Variants in EIF4E3 observed in about 807,000 individuals in gnomAD.
The protein encoded by EIF4E3 is eukaryotic translation initiation factor 4E family member 3.
EIF4E3 carries 26 observed loss-of-function variants against 31.7 expected under a neutral mutation model. That is an observed-to-expected ratio of 0.82 (90% CI 0.60 to 1.14). The LOEUF is 1.14. Ranked by LOEUF, EIF4E3 falls within the 50% of genes most tolerant of loss-of-function variation. The probability of loss-of-function intolerance (pLI) is 0.00; values close to 1 mark genes in which losing one functional copy is unlikely to be tolerated. For missense variants in EIF4E3, 304 were observed against 270.9 expected (o/e 1.12, Z -0.86); for synonymous variants, 128 against 107.7 (o/e 1.19, Z -1.17).
chr3:71,711,622 G>C (rs934856790), intron 1 of EIF4E3, among the ~76,000 whole-genome samples: 1 of 152,182 alleles, frequency 6.6e-6, no homozygotes, highest in Non-Finnish European at 1.5e-5. Flanking sequence ...GCACAGCAAG[G>C]ACTACAGTCC....
intron 1 of EIF4E3, among the ~76,000 whole-genome samples, chr3:71,714,285 G>A (rs866459380): frequency 7.8e-6 from 1 of 127,562 alleles, no homozygotes; most frequent in Non-Finnish European, 1.6e-5. Flanking sequence ...AAGGAAGGAA[G>A]GAAGGAAGGA....
At chr3:71,721,608 G>C (rs2049550727) in intron 1 of EIF4E3, among the ~76,000 whole-genome samples, 2 of 152,118 alleles carry the variant, frequency 1.3e-5, no homozygotes, top group African/African-American at 4.8e-5. Flanking sequence ...AGTCTCATGA[G>C]ATCTGATGAT....
intron 1 of EIF4E3, among the ~76,000 whole-genome samples, chr3:71,748,563 T>C (rs1452938250): frequency 6.6e-6 from 1 of 152,154 alleles, no homozygotes; most frequent in Non-Finnish European, 1.5e-5. Flanking sequence ...TACCTGTGGA[T>C]GCATCTAATA....
At chr3:71,666,863 C>T in the EIF4E3 span, among the ~76,000 whole-genome samples, 8 of 152,118 alleles carry the variant, frequency 5.3e-5, no homozygotes, top group Middle Eastern at 3.4e-3. Context: ...AGCTTCAACT[C>T]GGGAGGTGGA....
chr3:71,663,398 TC>T, the EIF4E3 span, among the ~76,000 whole-genome samples: 1 of 152,212 alleles, frequency 6.6e-6, no homozygotes. Flanking sequence ...GAATCAAGAA[TC>T]AGCTTATCCT....
chr3:71,738,247 C>T (rs1476795645), intron 1 of EIF4E3, among the ~76,000 whole-genome samples: 1 of 152,152 alleles, frequency 6.6e-6, no homozygotes, highest in Admixed American at 6.5e-5. Flanking sequence ...AGAAAACTAA[C>T]TATGCCAGCC....
intron 5 of EIF4E3, among the ~76,000 whole-genome samples, chr3:71,691,301 T>TTTAAA (rs2049060009): frequency 6.6e-6 from 1 of 152,244 alleles, no homozygotes; most frequent in African/African-American, 2.4e-5. Flanking sequence ...AGTTAAAACA[T>TTTAAA]TTTAGTATTA....
upstream of EIF4E3, among the ~76,000 whole-genome samples, chr3:71,725,881 G>C (rs1253692710): frequency 6.6e-6 from 1 of 152,148 alleles, no homozygotes; most frequent in African/African-American, 2.4e-5. The surrounding 1 kb of genome is among the most constrained non-coding windows in gnomAD (Gnocchi z 6.1). Context: ...TGGAGTGAAG[G>C]CTGGCAGATG....
At chr3:71,692,102 C>T (rs994123951) in intron 5 of EIF4E3, among the ~76,000 whole-genome samples, 35 of 152,044 alleles carry the variant, frequency 2.3e-4, no homozygotes, top group African/African-American at 8.5e-4. Flanking sequence ...ACAAATGGCT[C>T]GGTAAAAAAA....
intron 1 of EIF4E3, among the ~76,000 whole-genome samples, chr3:71,732,079 C>A (rs1464108043): frequency 1.3e-5 from 2 of 152,192 alleles, no homozygotes; most frequent in South Asian, 2.1e-4. Flanking sequence ...GGGCCCACCC[C>A]CTCCACCACT....
At chr3:71,711,285 G>C (rs970412884) in intron 1 of EIF4E3, among the ~76,000 whole-genome samples, 8 of 152,186 alleles carry the variant, frequency 5.3e-5, no homozygotes, top group African/African-American at 1.9e-4. Flanking sequence ...AGCAGTTCAT[G>C]CTCAAAAATG....
Position 71,725,097 on chromosome 3 carries a change from A to G in EIF4E3, c.176+95T>C, listed in dbSNP as rs2049611369. The G allele has an allele frequency of 2.2e-6, 2 of 903,724 alleles. No individual in the cohort carries two copies. The highest frequency in any genetic ancestry group is 2.7e-6 in the Non-Finnish European group (2 of 753,104). 56.0% of individuals were successfully genotyped at this position (903,724 alleles called of 1,614,324 possible). A position where few individuals can be genotyped will look rare whatever the true frequency, so the allele number is the denominator to read the frequency against. On this transcript the variant is annotated intron_variant, in intron 1 of 6. Coordinates refer to ENST00000425534, the MANE Select transcript of EIF4E3 (RefSeq NM_001134651.2). The surrounding 1 kb of genome is among the most constrained non-coding windows in gnomAD (Gnocchi z 6.1). ...GGGGCCGAGGTCTGTGCCACAGCGGAGCGGGGCCGGGGCGAGGGGCCGCGC... is the reference window on the plus strand; with the variant it reads ...GGGGCCGAGGTCTGTGCCACAGCGGGGCGGGGCCGGGGCGAGGGGCCGCGC...
the EIF4E3 span, among the ~76,000 whole-genome samples, chr3:71,666,285 T>C: frequency 4.6e-5 from 7 of 152,060 alleles, no homozygotes; most frequent in African/African-American, 1.7e-4. Context: ...CCCACAGAAA[T>C]ACAAACTACC....
intron 1 of EIF4E3, among the ~76,000 whole-genome samples, chr3:71,720,705 G>A (rs9810691): frequency 0.021 from 3,142 of 152,280 alleles, 88 homozygotes; most frequent in African/African-American, 0.066. Flanking sequence ...AAGATAAGGC[G>A]TATGTTTAGA....
chr3:71,682,069 G>C lies in EIF4E3; in HGVS notation c.*2613C>G, dbSNP rs999613271. The C allele has an allele frequency of 9.9e-5, 15 of 152,212 alleles. No individual in the cohort carries two copies. Among genetic ancestry groups the C allele is most frequent in the African/African-American group, 3.6e-4 (15 of 41,460 alleles). The allele number at this position is 152,212 out of a possible 1,614,324, so 9.4% of individuals were successfully genotyped here. On this transcript the variant is annotated 3_prime_UTR_variant, in exon 7 of 7. Coordinates refer to ENST00000425534, the MANE Select transcript of EIF4E3 (RefSeq NM_001134651.2). ...GTTCAGCAAGTGCTTACGAAAGACA[G>C]TCAAAATATAGGCAAGTTACTTTAA...
intron 1 of EIF4E3, among the ~76,000 whole-genome samples, chr3:71,734,470 A>G (rs950837377): frequency 6.6e-6 from 1 of 152,206 alleles, no homozygotes; most frequent in Non-Finnish European, 1.5e-5. Context: ...TTATTGGACT[A>G]AAATATTTTA....
chr3:71,689,050 T>C (rs1273979712), intron 6 of EIF4E3, among the ~76,000 whole-genome samples: 25 of 152,248 alleles, frequency 1.6e-4, no homozygotes, highest in Admixed American at 1.6e-3. Context: ...TAATGAAATG[T>C]ATTTCAGCAA....
intron 1 of EIF4E3, among the ~76,000 whole-genome samples, chr3:71,732,344 A>C (rs1233567624): frequency 6.6e-6 from 1 of 152,174 alleles, no homozygotes; most frequent in Non-Finnish European, 1.5e-5. Context: ...AGTTCTAGAG[A>C]CACAGCTGGG....
At position 71,693,921 on chromosome 3, in the gene EIF4E3, C is replaced by G. The variant is rs1001950395; in HGVS notation, c.426G>C (p.Leu142Phe). 1.3e-6 allele frequency: 2 copies of G among 1,584,410 alleles called. No homozygotes were observed. The highest frequency in any genetic ancestry group is 1.7e-6 in the Non-Finnish European group (2 of 1,164,976). ...KDSTSTVWKE[L>F]LLATIGEQFT... ...ACTGTTCCCCGATGGTTGCTAACAGCAACTCTTTCCAAACTGTGGACTGAT... is the reference window on the plus strand; with the variant it reads ...ACTGTTCCCCGATGGTTGCTAACAGGAACTCTTTCCAAACTGTGGACTGAT... Residue 142 changes from leucine (L) to phenylalanine (F), a missense_variant, in exon 5 of 7, where the codon TTG becomes TTC. Coordinates refer to ENST00000425534, the MANE Select transcript of EIF4E3 (RefSeq NM_001134651.2).
Sources: gnomAD v4.1 joint callset for allele counts (sites outside exome capture counted in the v4.1 genomes callset) on GRCh38, gnomAD v4.1.1 for gene constraint, Gnocchi (gnomAD v3.1) non-coding constraint, MANE v1.5 for transcripts, NCBI Gene and HGNC (gene_info 2026-07-23, HGNC 2026-07-21) for gene names.